OCSTAMP: variants seen among roughly 807,000 people sequenced by gnomAD.
OCSTAMP encodes the protein transmembrane protein C20orf123.
OCSTAMP carries 17 observed loss-of-function variants against 25.2 expected under a neutral mutation model. The ratio of observed to expected loss-of-function variants is 0.68; its 90% CI spans 0.46 to 1.01. OCSTAMP has a LOEUF of 1.01. Among genes scored for constraint, OCSTAMP ranks in the 50% least tolerant of loss-of-function variants. The pLI is 0.00. For missense variants in OCSTAMP, 664 were observed against 694.6 expected (o/e 0.96, Z 0.50); for synonymous variants, 345 against 318.9 (o/e 1.08, Z -0.87).
In OCSTAMP at chr20:46,543,826, C is replaced by T. The variant is rs144683997; in HGVS notation, c.1047+1501G>A. Among the ~76,000 whole-genome samples the T allele has an allele frequency of 6.5e-3, 990 of 152,248 alleles. 9 individuals are homozygous for T. The highest frequency in any genetic ancestry group is 0.022 in the African/African-American group (930 of 41,526). On this transcript the variant is annotated intron_variant, in intron 2 of 2. Coordinates refer to ENST00000279028, the MANE Select transcript of OCSTAMP (RefSeq NM_080721.3). ...TAATGGTGTGACTTGCAATTGATGA[C>T]TATCTGAGATTTGGTGAAAATGAGT... is the stretch of plus-strand genomic sequence containing the variant.
intron 1 of OCSTAMP, among the ~76,000 whole-genome samples, chr20:46,549,070 C>A (rs1404236083): frequency 6.6e-6 from 1 of 152,152 alleles, no homozygotes; most frequent in Non-Finnish European, 1.5e-5. Context: ...CCAGAAATGC[C>A]TGAAGCCGAA....
chr20:46,541,804 G>C lies in OCSTAMP; in HGVS notation c.1171C>G (p.Leu391Val). 6.7e-7 allele frequency: 1 copy of C among 1,486,112 alleles called. No homozygotes were observed. Among genetic ancestry groups the C allele is most frequent in the Non-Finnish European group, 8.9e-7 (1 of 1,122,296 alleles). The allele number at this position is 1,486,112 out of a possible 1,614,324, so 92.1% of individuals were successfully genotyped here. A position where few individuals can be genotyped will look rare whatever the true frequency, so the allele number is the denominator to read the frequency against. ...GCGCGGGGACGCCGGGCGGGTAGCA[G>C]TGGGCAGCGGGCGGAGGTGAGGCGG... is the stretch of plus-strand genomic sequence containing the variant. ...ELRLTSARCP[L>V]LPARRPRAAA... is the part of the protein sequence containing the mutation. Residue 391 changes from leucine (L) to valine (V), a missense_variant, in exon 3 of 3, where the codon CTG becomes GTG. Leu to Val is a conservative substitution (Grantham distance 32). Transcript: ENST00000279028.
At chr20:46,543,342 CTTT>C (rs59744231) in intron 2 of OCSTAMP, among the ~76,000 whole-genome samples, 13 of 106,966 alleles carry the variant, frequency 1.2e-4, no homozygotes, top group African/African-American at 3.6e-4. Flanking sequence ...TCGTTTCTTC[CTTT>C]TTTTTTTTTT....
chr20:46,549,090 G>A (rs763771388), intron 1 of OCSTAMP, among the ~76,000 whole-genome samples: 3 of 152,100 alleles, frequency 2.0e-5, no homozygotes, highest in East Asian at 1.9e-4. Context: ...AATCTATGCC[G>A]GACCACACAC....
At position 46,545,725 on chromosome 20, in the gene OCSTAMP, G is replaced by A. The variant is rs756193515; in HGVS notation, c.649C>T (p.Leu217=). 9 of 1,551,542 alleles carry A rather than the reference G, an allele frequency of 5.8e-6. No individual in the cohort carries two copies. The highest frequency in any genetic ancestry group is 1.4e-5 in the African/African-American group (1 of 73,060). ...GTCCCTAGCGCTGCTGCCCGGGCCA[G>A]GGACTCCAGGCCAGAGAAATCCTCC... The part of the protein sequence containing the change: ...VLEDFSGLES[L]ARAAALGTQR... Residue 217 remains leucine, a synonymous_variant, in exon 2 of 3, where the codon CTG becomes TTG. Transcript: ENST00000279028.
chr20:46,550,252 G>A (rs1252088224), intron 1 of OCSTAMP, among the ~76,000 whole-genome samples: 1 of 152,212 alleles, frequency 6.6e-6, no homozygotes, highest in Non-Finnish European at 1.5e-5. Flanking sequence ...ACTAGCTGCT[G>A]TTTAGTGAGT....
In OCSTAMP at chr20:46,545,922, C is replaced by A; in HGVS notation, c.452G>T (p.Cys151Phe). ...ACTCTCCAGGGAGCCCTCGGTGACA[C>A]ACCTCAGCACCTGCCCGGCCGCACC... ...NVGAAGQVLRCVTEGSLESLL... is the reference protein window; with the variant it reads ...NVGAAGQVLRFVTEGSLESLL... The change falls in exon 2 of 3, where the codon TGT (cysteine) becomes TTT (phenylalanine). Residue 151 changes from cysteine to phenylalanine, a missense_variant. By Grantham distance (205) the Cys-to-Phe change is radical. Transcript: ENST00000279028. The A allele has an allele frequency of 1.9e-6, 3 of 1,551,382 alleles. No homozygotes were observed. Among genetic ancestry groups the A allele is most frequent in the Non-Finnish European group, 2.6e-6 (3 of 1,147,000 alleles).
rs759993834 is a variant in OCSTAMP, at chr20:46,545,443, C to T, written c.931G>A (p.Val311Met). ...GTGGCCACCGCCACAGCCGTGGCCA[C>T]GAGGAGCAGGGCAAGCAGCCCCAGC... Reference protein sequence around the residue: ...LRLGLLALLLVATAVAVATDH... With the variant: ...LRLGLLALLLMATAVAVATDH... The change falls in exon 2 of 3, where the codon GTG (valine) becomes ATG (methionine). Residue 311 changes from valine to methionine, a missense_variant. Val to Met is a conservative substitution (Grantham distance 21, BLOSUM62 1). Coordinates refer to ENST00000279028, the MANE Select transcript of OCSTAMP (RefSeq NM_080721.3). 5.0e-5 allele frequency: 78 copies of T among 1,551,006 alleles called. No homozygotes were observed. Among genetic ancestry groups the T allele is most frequent in the East Asian group, 1.7e-4 (7 of 40,928 alleles).
At chr20:46,543,305 C>CTTTCTTTCTTT (rs1555872068) in intron 2 of OCSTAMP, among the ~76,000 whole-genome samples, 3 of 128,376 alleles carry the variant, frequency 2.3e-5, no homozygotes, top group Non-Finnish European at 3.1e-5. Flanking sequence ...CTTTCTCTTT[C>CTTTCTTTCTTT]CTTTCTTTCT....
At chr20:46,549,609 G>T (rs1448449796) in intron 1 of OCSTAMP, among the ~76,000 whole-genome samples, 3 of 152,132 alleles carry the variant, frequency 2.0e-5, no homozygotes, top group Non-Finnish European at 2.9e-5. Context: ...TGTGGGTGAA[G>T]AAGGGAGTTG....
intron 1 of OCSTAMP, among the ~76,000 whole-genome samples, chr20:46,547,996 C>T (rs57869570): frequency 0.033 from 5,030 of 152,044 alleles, 285 homozygotes; most frequent in African/African-American, 0.11. Flanking sequence ...GAGCAGGGGT[C>T]GTTCATCCTT....
In OCSTAMP at chr20:46,541,316, C is replaced by T; in HGVS notation, c.1659G>A (p.Val553=). 1.4e-6 allele frequency: 1 copy of T among 735,122 alleles called. No individual in the cohort carries two copies. The highest frequency in any genetic ancestry group is 2.7e-5 in the East Asian group (1 of 37,348). 45.5% of individuals were successfully genotyped at this position (735,122 alleles called of 1,614,324 possible). ...IDVTYFPRRD[V]VRMEGNTGHD... is the part of the protein sequence containing the mutation. Reference sequence around the variant, plus strand: ...GCCCAGTATTTCCTTCCATCCTGACCACATCCCTGCGTGGGAAGTAGGTCA... The same window carrying T: ...GCCCAGTATTTCCTTCCATCCTGACTACATCCCTGCGTGGGAAGTAGGTCA... The change falls in exon 3 of 3, where the codon GTG becomes GTA. Residue 553 remains valine (V), a synonymous_variant. Transcript: ENST00000279028.
intron 2 of OCSTAMP, among the ~76,000 whole-genome samples, chr20:46,543,025 T>A (rs921487187): frequency 2.0e-5 from 3 of 152,126 alleles, no homozygotes; most frequent in African/African-American, 7.2e-5. Context: ...TCACCGGGGC[T>A]CTGGAAGGCA....
chr20:46,550,635 G>T lies in OCSTAMP; in HGVS notation c.-75C>A, dbSNP rs1188107010. 4 of 1,383,930 alleles carry T rather than the reference G, an allele frequency of 2.9e-6. No homozygotes were observed. Among genetic ancestry groups the T allele is most frequent in the East Asian group, 2.5e-5 (1 of 40,062 alleles). 85.7% of individuals were successfully genotyped at this position (1,383,930 alleles called of 1,614,324 possible). A position where few individuals can be genotyped will look rare whatever the true frequency, so the allele number is the denominator to read the frequency against. On this transcript the variant is annotated 5_prime_UTR_variant, in exon 1 of 3. Transcript: ENST00000279028. ...CAGGTGGAGAGGAAGTGGGGGAATC[G>T]CTGGGACTTGGGAATCCCTGCCACT... is the stretch of plus-strand genomic sequence containing the variant.
intron 2 of OCSTAMP, among the ~76,000 whole-genome samples, chr20:46,544,845 T>C (rs2061845976): frequency 6.6e-6 from 1 of 152,312 alleles, no homozygotes; most frequent in Non-Finnish European, 1.5e-5. Flanking sequence ...TGCCTCCTGA[T>C]CAAGGCCATT....
intron 1 of OCSTAMP, among the ~76,000 whole-genome samples, chr20:46,547,047 A>G (rs1465244298): frequency 2.0e-5 from 3 of 152,304 alleles, no homozygotes; most frequent in East Asian, 1.9e-4. Flanking sequence ...GGCAGAGTCA[A>G]CAAGATTTGC....
chr20:46,548,303 T>C (rs1165095555), intron 1 of OCSTAMP, among the ~76,000 whole-genome samples: 1 of 152,192 alleles, frequency 6.6e-6, no homozygotes, highest in African/African-American at 2.4e-5. Flanking sequence ...ACATCAGCTA[T>C]TACCTACCAC....
rs980747922 is a variant in OCSTAMP at position 46,541,308 on chromosome 20, A to T, written c.1667T>A (p.Met556Lys). The T allele has an allele frequency of 6.8e-6, 5 of 730,878 alleles. No homozygotes were observed. The highest frequency in any genetic ancestry group is 1.0e-5 in the Non-Finnish European group (4 of 396,374). 45.3% of individuals were successfully genotyped at this position (730,878 alleles called of 1,614,324 possible). A position where few individuals can be genotyped will look rare whatever the true frequency, so the allele number is the denominator to read the frequency against. Reference protein sequence around the residue: ...TYFPRRDVVRMEGNTGHDRPG With the variant: ...TYFPRRDVVRKEGNTGHDRPG ...CCTATCATGCCCAGTATTTCCTTCC[A>T]TCCTGACCACATCCCTGCGTGGGAA... The change falls in exon 3 of 3, where the codon ATG becomes AAG. Residue 556 changes from methionine to lysine, a missense_variant. Transcript: ENST00000279028.
In OCSTAMP at chr20:46,550,519, G is replaced by A. The variant is rs367584136; in HGVS notation, c.42C>T (p.Thr14=). The A allele has an allele frequency of 3.9e-6, 6 of 1,551,590 alleles. No homozygotes were observed. Among genetic ancestry groups the A allele is most frequent in the South Asian group, 1.2e-5 (1 of 84,050 alleles). The change falls in exon 1 of 3, where the codon ACC becomes ACT. Residue 14 remains threonine (T), a splice_region_variant and synonymous_variant. Transcript: ENST00000279028. ...GTGTCCAAAGTCCCCAGACCTACCC[G>A]GTCTTGACAAGTTGCTCAGCTGCTC... ...HPGAAEQLVK[T]GWRSWHLGFW...
Sources: gnomAD v4.1 joint callset for allele counts (sites outside exome capture counted in the v4.1 genomes callset) on GRCh38, gnomAD v4.1.1 for gene constraint, MANE v1.5 for transcripts, NCBI Gene and HGNC (gene_info 2026-07-23, HGNC 2026-07-21) for gene names.